The following SLIT3 variants were observed in gnomAD, a reference collection of about 807,000 sequenced individuals.
SLIT3 encodes slit guidance ligand 3.
SLIT3 carries 68 observed loss-of-function variants against 184.0 expected under a neutral mutation model. That is an observed-to-expected ratio of 0.37 (90% CI 0.30 to 0.45). The LOEUF (loss-of-function observed/expected upper bound fraction) is 0.45, where lower values mean the gene tolerates loss of function less well. Among genes scored for constraint, SLIT3 ranks in the 20% least tolerant of loss-of-function variants. SLIT3 has a pLI of 1.00. For missense variants in SLIT3, 1,707 were observed against 2,026.0 expected, an observed-to-expected ratio of 0.84 and a Z score of 3.02; for synonymous variants, 831 against 828.6, an observed-to-expected ratio of 1.00 and a Z score of -0.05.
chr5:168,814,079 G>A (rs1321081750), intron 8 of SLIT3, among the ~76,000 whole-genome samples: 1 of 152,086 alleles, frequency 6.6e-6, no homozygotes, highest in African/African-American at 2.4e-5. Flanking sequence ...TGAATGAGGG[G>A]CATTTGGGGT....
intron 20 of SLIT3, among the ~76,000 whole-genome samples, chr5:168,728,545 G>A (rs73802376): frequency 0.029 from 4,361 of 152,066 alleles, 206 homozygotes; most frequent in African/African-American, 0.1. Context: ...AGAGAAATCT[G>A]AAAACCAACA....
intron 28 of SLIT3, among the ~76,000 whole-genome samples, chr5:168,694,621 CT>C (rs1349321412): frequency 6.6e-6 from 1 of 152,090 alleles, no homozygotes; most frequent in Non-Finnish European, 1.5e-5. Context: ...ATCTCTCTCT[CT>C]TTCTTTCTTT....
intron 1 of SLIT3, among the ~76,000 whole-genome samples, chr5:169,268,030 T>C (rs1380271657): frequency 2.6e-5 from 4 of 152,334 alleles, no homozygotes; most frequent in African/African-American, 4.8e-5. Context: ...ATGGACTGCA[T>C]TGGAACAGGC....
At chr5:169,006,631 A>G (rs556359155) in intron 4 of SLIT3, among the ~76,000 whole-genome samples, 1 of 144,376 alleles carries the variant, frequency 6.9e-6, no homozygotes, top group African/African-American at 2.6e-5. Flanking sequence ...ACACACACAC[A>G]ACTCTCCAAG....
intron 2 of SLIT3, among the ~76,000 whole-genome samples, chr5:169,247,466 A>G (rs1765631378): frequency 6.6e-6 from 1 of 152,166 alleles, no homozygotes; most frequent in African/African-American, 2.4e-5. Context: ...TATTGTAAGT[A>G]CCACATTCCC....
At chr5:168,923,123 G>C (rs902227552) in intron 4 of SLIT3, among the ~76,000 whole-genome samples, 1 of 152,088 alleles carries the variant, frequency 6.6e-6, no homozygotes, top group African/African-American at 2.4e-5. Context: ...CTTTAGGACT[G>C]GGGCAATGAC....
rs144622910 is a variant in SLIT3 at position 168,924,539 on chromosome 5, T to C, written c.414-41203A>G. 2.0e-3 allele frequency among the ~76,000 whole-genome samples: 311 copies of C among 152,168 alleles called. 2 individuals are homozygous for C. Among genetic ancestry groups the C allele is most frequent in the African/African-American group, 7.1e-3 (295 of 41,514 alleles). On this transcript the variant is annotated intron_variant, in intron 4 of 35. Transcript: ENST00000519560. ...GTGTGTGTGTGTGTGTAGCTCACTC[T>C]GCCTCTGCCACCCAGGCTGGAGTGC... is the stretch of plus-strand genomic sequence containing the variant.
At chr5:169,045,640 T>G (rs900665693) in intron 4 of SLIT3, among the ~76,000 whole-genome samples, 1 of 152,132 alleles carries the variant, frequency 6.6e-6, no homozygotes, top group East Asian at 1.9e-4. Flanking sequence ...TTTTACATCA[T>G]TATCACATTT....
At chr5:169,083,350 T>G (rs1759148000) in intron 4 of SLIT3, among the ~76,000 whole-genome samples, 1 of 152,204 alleles carries the variant, frequency 6.6e-6, no homozygotes, top group Admixed American at 6.5e-5. Context: ...TTTACTGGTC[T>G]AACATCTCTC....
intron 4 of SLIT3, among the ~76,000 whole-genome samples, chr5:168,956,997 G>C (rs1039273429): frequency 6.6e-6 from 1 of 151,612 alleles, no homozygotes; most frequent in African/African-American, 2.4e-5. Flanking sequence ...GGGAGGCCGA[G>C]GCAGGTGGAT....
chr5:169,276,477 C>T (rs536196292), intron 1 of SLIT3, among the ~76,000 whole-genome samples: 11 of 152,292 alleles, frequency 7.2e-5, no homozygotes, highest in Admixed American at 4.6e-4. Context: ...AAAGAGTCGC[C>T]GGGATGCCCT....
chr5:168,730,236 A>G (rs546407292), intron 20 of SLIT3, among the ~76,000 whole-genome samples: 3 of 152,090 alleles, frequency 2.0e-5, no homozygotes, highest in Admixed American at 2.0e-4. Flanking sequence ...AACAAATAAT[A>G]CTGGACCTAA....
intron 4 of SLIT3, among the ~76,000 whole-genome samples, chr5:168,930,387 T>G (rs899775339): frequency 2.0e-5 from 3 of 152,110 alleles, no homozygotes; most frequent in Non-Finnish European, 2.9e-5. Flanking sequence ...GGCAGACACA[T>G]TTGCATGCTG....
chr5:169,096,885 A>G (rs986886991), intron 4 of SLIT3, among the ~76,000 whole-genome samples: 2 of 152,210 alleles, frequency 1.3e-5, no homozygotes, highest in Admixed American at 1.3e-4. Context: ...GCGTGACTCC[A>G]AGCCTGCATT....
chr5:169,114,291 G>A (rs776562640), intron 4 of SLIT3, among the ~76,000 whole-genome samples: 3 of 152,206 alleles, frequency 2.0e-5, no homozygotes, highest in Non-Finnish European at 2.9e-5. Context: ...ATCTGCCTGG[G>A]CCTCCTGATA....
At chr5:168,691,738 T>C (rs934207906) in intron 29 of SLIT3, among the ~76,000 whole-genome samples, 1 of 152,186 alleles carries the variant, frequency 6.6e-6, no homozygotes, top group African/African-American at 2.4e-5. Flanking sequence ...CAGAGATTGC[T>C]GGGAGAAGAA....
At chr5:168,981,990 G>T (rs189563193) in intron 4 of SLIT3, among the ~76,000 whole-genome samples, 1 of 152,262 alleles carries the variant, frequency 6.6e-6, no homozygotes, top group Admixed American at 6.5e-5. Context: ...ATGTGACGTT[G>T]CTGCATTTGT....
intron 10 of SLIT3, 120 bp from the exon 11 acceptor site, chr5:168,789,751 C>A: frequency 1.3e-6 from 1 of 752,842 alleles, no homozygotes. Context: ...ATCAATCAAG[C>A]AATTCATTTA....
chr5:168,719,919 T>C (rs1035541808), intron 23 of SLIT3: 4 of 152,146 alleles, frequency 2.6e-5, no homozygotes, highest in Non-Finnish European at 4.4e-5. Flanking sequence ...TAATTCTCTT[T>C]TTTTTTTCTT....
Sources: allele counts gnomAD v4.1 joint callset (sites outside exome capture counted in the v4.1 genomes callset), GRCh38; gene constraint gnomAD v4.1.1; transcripts MANE v1.5; gene names NCBI Gene and HGNC (gene_info 2026-07-23, HGNC 2026-07-21).